DENND1B: variants seen among roughly 807,000 people sequenced by gnomAD.
The protein encoded by DENND1B is DENN domain containing 1B, also known as DENN domain-containing protein 1B.
Under a neutral mutation model 90.1 loss-of-function variants are expected in DENND1B, and 59 were observed. That is an observed-to-expected ratio of 0.65 (90% CI 0.53 to 0.81). The LOEUF is 0.81. Among genes scored for constraint, DENND1B ranks in the 40% least tolerant of loss-of-function variants. The pLI, the probability that DENND1B is intolerant of heterozygous loss-of-function variation, is 0.00. For missense variants in DENND1B, 862 were observed against 912.6 expected (o/e 0.94, Z 0.71); for synonymous variants, 337 against 324.6 (o/e 1.04, Z -0.41).
intron 2 of DENND1B, chr1:197,734,933 A>T: frequency 1.0e-6 from 1 of 985,442 alleles, no homozygotes; most frequent in Non-Finnish European, 1.2e-6. Context: ...GACACATGAA[A>T]ATCTAAGCCT....
chr1:197,659,566 C>T (rs1215905136), intron 5 of DENND1B, among the ~76,000 whole-genome samples: 1 of 151,086 alleles, frequency 6.6e-6, no homozygotes, highest in Non-Finnish European at 1.5e-5. Flanking sequence ...GGAAATAACT[C>T]CAAAATGACA....
Position 197,647,131 on chromosome 1 carries a change from GA to G in DENND1B, c.448-18del. On this transcript the variant is annotated intron_variant, in intron 7 of 22. Transcript: ENST00000620048. ...CTCTTGGTTCTTATAATACATGAGA[GA>G]AAAAAATGAATATTTTACTTTCATG... 7.1e-7 allele frequency: 1 copy of G among 1,408,470 alleles called. No individual in the cohort carries two copies. The highest frequency in any genetic ancestry group is 9.2e-7 in the Non-Finnish European group (1 of 1,081,888). The allele number at this position is 1,408,470 out of a possible 1,614,324, so 87.2% of individuals were successfully genotyped here.
intron 3 of DENND1B, among the ~76,000 whole-genome samples, chr1:197,684,743 CAAGT>C (rs1657054935): frequency 6.6e-6 from 1 of 152,146 alleles, no homozygotes; most frequent in South Asian, 2.1e-4. Context: ...TAACTCTTTT[CAAGT>C]AATAGACTTA....
intron 6 of DENND1B, among the ~76,000 whole-genome samples, chr1:197,655,355 G>C (rs189835353): frequency 1.3e-5 from 2 of 152,120 alleles, no homozygotes; most frequent in African/African-American, 4.8e-5. Context: ...CACAGAGATA[G>C]AACAGTTCCA....
intron 20 of DENND1B, among the ~76,000 whole-genome samples, chr1:197,517,923 TTTTG>T (rs10658464): frequency 2.3e-4 from 35 of 150,932 alleles, no homozygotes; most frequent in African/African-American, 7.1e-4. Context: ...CCTCCCCATG[TTTTG>T]TTTGTTTGTT....
intron 2 of DENND1B, among the ~76,000 whole-genome samples, chr1:197,743,829 T>C (rs902678686): frequency 2.0e-5 from 3 of 152,074 alleles, no homozygotes; most frequent in Non-Finnish European, 4.4e-5. Context: ...AAAAAAAAAT[T>C]GGAGTCAGTC....
chr1:197,681,163 T>G (rs1369981790), intron 3 of DENND1B, among the ~76,000 whole-genome samples: 1 of 152,132 alleles, frequency 6.6e-6, no homozygotes, highest in Non-Finnish European at 1.5e-5. Flanking sequence ...ACTGAATAAC[T>G]TATCTGCTCT....
rs1490542166 is a variant in DENND1B, at chr1:197,511,850, T to C, written c.1693A>G (p.Met565Val). ...TRVKTPYSGE[M>V]DLLGEILDTL... ...TCAAGAATCTCTCCTAGTAAGTCCA[T>C]TTCACCTGAGTAAGGAGTCTTCACT... Residue 565 changes from methionine to valine, a missense_variant, in exon 22 of 23, where the codon ATG (methionine) becomes GTG (valine). Met to Val is a conservative substitution (Grantham distance 21). Coordinates refer to ENST00000620048, the MANE Select transcript of DENND1B (RefSeq NM_001195215.2). 22 of 1,611,354 alleles carry C rather than the reference T, an allele frequency of 1.4e-5. No individual in the cohort carries two copies. The highest frequency in any genetic ancestry group is 1.9e-5 in the Non-Finnish European group (22 of 1,178,346).
intron 2 of DENND1B, among the ~76,000 whole-genome samples, chr1:197,766,206 AT>A: frequency 6.6e-6 from 1 of 152,264 alleles, no homozygotes; most frequent in East Asian, 1.9e-4. Flanking sequence ...AAATGTTGGG[AT>A]TACAGGTATC....
intron 3 of DENND1B, among the ~76,000 whole-genome samples, chr1:197,713,833 AATAT>A (rs1660282316): frequency 6.3e-5 from 1 of 15,784 alleles, no homozygotes; most frequent in Non-Finnish European, 1.1e-4. Flanking sequence ...TATTATATAT[AATAT>A]ATTATATTAT....
rs574372173 is a variant in DENND1B at position 197,773,155 on chromosome 1, G to A, written c.18-223C>T. 7.4e-5 allele frequency: 39 copies of A among 530,488 alleles called. 2 individuals carry two copies. In the East Asian group the frequency reaches 9.1e-4, roughly 12 times the overall value. 32.9% of individuals were successfully genotyped at this position (530,488 alleles called of 1,614,324 possible). A position where few individuals can be genotyped will look rare whatever the true frequency, so the allele number is the denominator to read the frequency against. ...GAAACTTGGGGCAAAGCATTTAAACGCTGAGACTGTTCTCCCTTACCTATG... is the reference window on the plus strand; with the variant it reads ...GAAACTTGGGGCAAAGCATTTAAACACTGAGACTGTTCTCCCTTACCTATG... On this transcript the variant is annotated intron_variant, in intron 1 of 22. Coordinates refer to ENST00000620048, the MANE Select transcript of DENND1B (RefSeq NM_001195215.2).
chr1:197,589,061 C>T (rs766850787), intron 14 of DENND1B, among the ~76,000 whole-genome samples: 1 of 152,028 alleles, frequency 6.6e-6, no homozygotes, highest in Non-Finnish European at 1.5e-5. Context: ...TTAGACATTG[C>T]TGTTTCTAGC....
intron 19 of DENND1B, among the ~76,000 whole-genome samples, chr1:197,540,562 G>GT (rs1329391951): frequency 1.3e-5 from 2 of 152,022 alleles, no homozygotes; most frequent in African/African-American, 4.8e-5. Flanking sequence ...TCATTTTAAA[G>GT]TAACTACTAT....
At chr1:197,540,854 G>A (rs1205987765) in intron 19 of DENND1B, 105 bp downstream of exon 19, 1 of 1,028,450 alleles carries the variant, frequency 9.7e-7, no homozygotes, top group Non-Finnish European at 1.5e-6. Context: ...AAAGGGCTAA[G>A]CATATTTCAA....
intron 13 of DENND1B, among the ~76,000 whole-genome samples, chr1:197,598,948 A>G (rs758589375): frequency 4.6e-5 from 7 of 151,838 alleles, no homozygotes; most frequent in Non-Finnish European, 1.0e-4. Context: ...GCTCTTATCA[A>G]ATGTTTTAAA....
At chr1:197,741,732 C>T (rs922923336) in intron 2 of DENND1B, among the ~76,000 whole-genome samples, 3 of 152,080 alleles carry the variant, frequency 2.0e-5, no homozygotes, top group African/African-American at 7.2e-5. Flanking sequence ...TAATCCTATA[C>T]ACAGAATGAA....
intron 14 of DENND1B, among the ~76,000 whole-genome samples, chr1:197,583,557 G>A (rs1361060745): frequency 1.3e-5 from 2 of 152,096 alleles, no homozygotes; most frequent in Admixed American, 1.3e-4. Flanking sequence ...ATTAAACATA[G>A]CACACATACC....
intron 16 of DENND1B, 29 bp downstream of exon 16, chr1:197,552,993 T>A: frequency 6.4e-7 from 1 of 1,561,058 alleles, no homozygotes; most frequent in Non-Finnish European, 8.6e-7. Flanking sequence ...ATTGAGAAAA[T>A]GGATAATCAT....
chr1:197,706,985 A>C (rs534747975), intron 3 of DENND1B, among the ~76,000 whole-genome samples: 2 of 152,312 alleles, frequency 1.3e-5, no homozygotes, highest in East Asian at 3.9e-4. Flanking sequence ...ATTGCAACAC[A>C]AGAGCCAAGA....
Sources: gnomAD v4.1 joint callset for allele counts (sites outside exome capture counted in the v4.1 genomes callset) on GRCh38, gnomAD v4.1.1 for gene constraint, MANE v1.5 for transcripts, NCBI Gene and HGNC (gene_info 2026-07-23, HGNC 2026-07-21) for gene names.